The following MAN1A2 variants were observed in gnomAD, a reference collection of about 807,000 sequenced individuals.
MAN1A2 encodes mannosidase alpha class 1A member 2.
Under a neutral mutation model 75.7 loss-of-function variants are expected in MAN1A2, and 26 were observed. The observed-to-expected ratio is 0.34, with a 90% CI of 0.25 to 0.48. MAN1A2 has a LOEUF of 0.48. MAN1A2 is among the 20% of genes least tolerant of loss of function. MAN1A2 has a pLI of 0.99. For missense variants in MAN1A2, 562 were observed against 775.5 expected (o/e 0.72, Z 3.27); for synonymous variants, 247 against 264.6 (o/e 0.93, Z 0.65).
chr1:117,465,847 G>A (rs1649963713), intron 7 of MAN1A2, among the ~76,000 whole-genome samples: 1 of 151,940 alleles, frequency 6.6e-6, no homozygotes, highest in African/African-American at 2.4e-5. Context: ...TCTATTGTGG[G>A]AACAATATTT....
At chr1:117,459,090 A>G (rs572462715) in intron 6 of MAN1A2, among the ~76,000 whole-genome samples, 2 of 152,300 alleles carry the variant, frequency 1.3e-5, no homozygotes, top group Admixed American at 6.5e-5. Context: ...ATCGCCATAT[A>G]AACATTGGCT....
At chr1:117,466,230 A>C in intron 7 of MAN1A2, 104 bp from the exon 8 acceptor site, 1 of 679,844 alleles carries the variant, frequency 1.5e-6, no homozygotes, top group South Asian at 2.2e-5. Flanking sequence ...AAGGCAGGGA[A>C]TAGGTGTAGA....
At chr1:117,375,815 A>G (rs1041080030) in intron 1 of MAN1A2, among the ~76,000 whole-genome samples, 3 of 152,078 alleles carry the variant, frequency 2.0e-5, no homozygotes, top group African/African-American at 7.2e-5. Flanking sequence ...TGGTACAGGC[A>G]TTTAGGTCAT....
chr1:117,428,294 T>C (rs1227200971), intron 5 of MAN1A2, among the ~76,000 whole-genome samples: 1 of 152,056 alleles, frequency 6.6e-6, no homozygotes, highest in African/African-American at 2.4e-5. Flanking sequence ...ATTTTATTTT[T>C]TGTAGAGGTG....
rs201654392 is a variant in MAN1A2, at chr1:117,440,883, ATAAGG to A, written c.856-1344_856-1340del. ...AAACAGAAGCAATACTGTTTGCTCT[ATAAGG>A]TAACTTGTGTTTACTAACATGTAAA... On this transcript the variant is annotated intron_variant, in intron 5 of 12. Coordinates refer to ENST00000356554, the MANE Select transcript of MAN1A2 (RefSeq NM_006699.5). Among the ~76,000 whole-genome samples, 1,059 of 152,264 alleles carry A rather than the reference ATAAGG, an allele frequency of 7.0e-3. 3 individuals carry two copies. Among genetic ancestry groups the A allele is most frequent in the Non-Finnish European group, 0.011 (754 of 67,974 alleles).
chr1:117,460,608 A>T lies in MAN1A2; in HGVS notation c.1070A>T (p.Lys357Ile). The T allele has an allele frequency of 6.2e-7, 1 of 1,601,084 alleles. No homozygotes were observed. The highest frequency in any genetic ancestry group is 8.5e-7 in the Non-Finnish European group (1 of 1,175,694). Residue 357 changes from lysine (K) to isoleucine (I), a missense_variant, in exon 7 of 13, where the codon AAA (lysine) becomes ATA (isoleucine). Lys to Ile is a moderately radical substitution (Grantham distance 102). This residue lies in a region of MAN1A2 where 434 missense variants were observed against 645.7 expected (regional missense o/e 0.67). Transcript: ENST00000356554. ...SYLTGDLTYYKKVMHIRKLLQ... is the reference protein window; with the variant it reads ...SYLTGDLTYYIKVMHIRKLLQ... Reference sequence around the variant, plus strand: ...TTGACAGGGGACCTGACTTACTACAAAAAGGTTTGTTTTCTTGCCTTCTAT... The same window carrying T: ...TTGACAGGGGACCTGACTTACTACATAAAGGTTTGTTTTCTTGCCTTCTAT...
intron 7 of MAN1A2, among the ~76,000 whole-genome samples, chr1:117,462,732 G>A (rs1405957204): frequency 1.3e-5 from 2 of 152,130 alleles, no homozygotes; most frequent in Non-Finnish European, 2.9e-5. Context: ...CGTAATTTTT[G>A]GAGCTGGTGT....
At chr1:117,510,357 A>T (rs576519927) in intron 12 of MAN1A2, among the ~76,000 whole-genome samples, 1 of 152,180 alleles carries the variant, frequency 6.6e-6, no homozygotes, top group South Asian at 2.1e-4. Flanking sequence ...TTAAAATCAG[A>T]TGGGTATTCT....
chr1:117,373,274 GT>G (rs1383156683), intron 1 of MAN1A2, among the ~76,000 whole-genome samples: 8 of 151,002 alleles, frequency 5.3e-5, no homozygotes, highest in Admixed American at 2.0e-4. Flanking sequence ...TTTCTATCCT[GT>G]TTTTTATTTG....
chr1:117,484,106 A>G (rs1650588956), intron 8 of MAN1A2, among the ~76,000 whole-genome samples: 1 of 151,898 alleles, frequency 6.6e-6, no homozygotes, highest in African/African-American at 2.4e-5. Context: ...GTTAACTACT[A>G]ATAGCCTACC....
chr1:117,464,464 A>G (rs1649924708), intron 7 of MAN1A2, among the ~76,000 whole-genome samples: 2 of 152,254 alleles, frequency 1.3e-5, no homozygotes, highest in East Asian at 1.9e-4. Flanking sequence ...TAAGCAGTAA[A>G]GATCAGAGAG....
intron 6 of MAN1A2, among the ~76,000 whole-genome samples, chr1:117,452,621 T>G (rs1649458879): frequency 6.6e-6 from 1 of 152,214 alleles, no homozygotes; most frequent in Non-Finnish European, 1.5e-5. Context: ...TCTTCACGTC[T>G]GTGAATGCTA....
At chr1:117,453,506 G>A (rs1456835034) in intron 6 of MAN1A2, among the ~76,000 whole-genome samples, 1 of 152,166 alleles carries the variant, frequency 6.6e-6, no homozygotes, top group Non-Finnish European at 1.5e-5. Context: ...CTGTAGCTGT[G>A]GTGGAAATAG....
intron 7 of MAN1A2, among the ~76,000 whole-genome samples, chr1:117,462,824 T>C (rs1311543786): frequency 6.6e-6 from 1 of 152,122 alleles, no homozygotes; most frequent in Non-Finnish European, 1.5e-5. Flanking sequence ...TTCGTATAAT[T>C]TGCTTTCACA....
intron 8 of MAN1A2, among the ~76,000 whole-genome samples, chr1:117,472,388 A>C (rs1650188793): frequency 6.6e-6 from 1 of 151,998 alleles, no homozygotes; most frequent in Admixed American, 6.6e-5. Context: ...GTATTATAGG[A>C]ATATATTTTC....
intron 5 of MAN1A2, among the ~76,000 whole-genome samples, chr1:117,425,602 T>G (rs918485469): frequency 5.3e-5 from 8 of 152,190 alleles, no homozygotes; most frequent in Middle Eastern, 3.2e-3. Flanking sequence ...AAAAACATCA[T>G]ATAATCTTAT....
intron 5 of MAN1A2, among the ~76,000 whole-genome samples, chr1:117,438,760 A>T (rs1014743195): frequency 1.3e-5 from 2 of 152,232 alleles, no homozygotes; most frequent in African/African-American, 4.8e-5. Flanking sequence ...TTTGTAGTAT[A>T]GGAGTCATAG....
chr1:117,472,172 C>T (rs1194543633), intron 8 of MAN1A2, among the ~76,000 whole-genome samples: 3 of 151,722 alleles, frequency 2.0e-5, no homozygotes, highest in Non-Finnish European at 2.9e-5. Flanking sequence ...CACCTTTTTC[C>T]GTTTGGAATA....
rs559618282 is a variant in MAN1A2, at chr1:117,449,703, A to G, written c.950+7378A>G. ...GAAGAGTTCTTGAAGGAAATTAACA[A>G]TGCTATGCCAGTGAAACACAAGAAT... On this transcript the variant is annotated intron_variant, in intron 6 of 12. Coordinates refer to ENST00000356554, the MANE Select transcript of MAN1A2 (RefSeq NM_006699.5). Among the ~76,000 whole-genome samples, 222 of 152,324 alleles carry G rather than the reference A, an allele frequency of 1.5e-3. 3 individuals are homozygous for G. The highest frequency in any genetic ancestry group is 0.013 in the Admixed American group (202 of 15,300).
Sources: allele counts gnomAD v4.1 joint callset (sites outside exome capture counted in the v4.1 genomes callset), GRCh38; gene constraint gnomAD v4.1.1; regional missense constraint gnomAD v4.1.1; transcripts MANE v1.5; gene names NCBI Gene and HGNC (gene_info 2026-07-23, HGNC 2026-07-21).